PIK3R3: variants seen among roughly 807,000 people sequenced by gnomAD.
PIK3R3 encodes phosphatidylinositol 3-kinase regulatory subunit gamma.
PIK3R3 carries 64 observed loss-of-function variants against 62.9 expected under a neutral mutation model. The ratio of observed to expected loss-of-function variants is 1.02; its 90% CI spans 0.83 to 1.25. The LOEUF (loss-of-function observed/expected upper bound fraction) is 1.25. PIK3R3 is among the 50% of genes most tolerant of loss of function. The pLI is 0.00. For missense variants in PIK3R3, 614 were observed against 561.6 expected (o/e 1.09, Z -0.94); for synonymous variants, 165 against 189.0 (o/e 0.87, Z 1.04).
the PIK3R3 span, among the ~76,000 whole-genome samples, chr1:46,161,922 C>T: frequency 1.3e-5 from 2 of 150,832 alleles, no homozygotes; most frequent in African/African-American, 4.9e-5. Flanking sequence ...GAAACCCTGT[C>T]TCTACTAAAA....
At chr1:46,100,015 T>C (rs1368686630) in intron 1 of PIK3R3, among the ~76,000 whole-genome samples, 1 of 152,220 alleles carries the variant, frequency 6.6e-6, no homozygotes, top group African/African-American at 2.4e-5. Context: ...TTATTATTAT[T>C]ACTGGTTGGT....
At chr1:46,096,957 C>T (rs1371900051) in intron 1 of PIK3R3, among the ~76,000 whole-genome samples, 3 of 149,758 alleles carry the variant, frequency 2.0e-5, no homozygotes, top group South Asian at 2.1e-4. Context: ...CCAGTCTTCC[C>T]GATACCAAAA....
chr1:46,132,414 G>A lies in PIK3R3; in HGVS notation c.-462C>T. 8.7e-7 allele frequency: 1 copy of A among 1,145,714 alleles called. No individual in the cohort carries two copies. Among genetic ancestry groups the A allele is most frequent in the Non-Finnish European group, 1.1e-6 (1 of 920,466 alleles). The allele number at this position is 1,145,714 out of a possible 1,614,324, so 71.0% of individuals were successfully genotyped here. A position where few individuals can be genotyped will look rare whatever the true frequency, so the allele number is the denominator to read the frequency against. ...AAGGAAGGCAAAAAAGGGGGCTGGA[G>A]ATTGCGTTCAAGTTTCGGGGTCCCA... is the stretch of plus-strand genomic sequence containing the variant. On this transcript the variant is annotated 5_prime_UTR_variant, in exon 1 of 10. Transcript: ENST00000262741.
At chr1:46,122,843 T>C (rs1447030845) in intron 1 of PIK3R3, among the ~76,000 whole-genome samples, 1 of 152,158 alleles carries the variant, frequency 6.6e-6, no homozygotes, top group African/African-American at 2.4e-5. Context: ...AATATTAACA[T>C]TTTAAAGCTT....
At chr1:46,106,060 T>G (rs1331314959) in intron 1 of PIK3R3, among the ~76,000 whole-genome samples, 3 of 152,194 alleles carry the variant, frequency 2.0e-5, no homozygotes, top group African/African-American at 7.2e-5. Flanking sequence ...TAAATCCACA[T>G]ACAGCATTCC....
the PIK3R3 span, among the ~76,000 whole-genome samples, chr1:46,138,346 T>A: frequency 6.6e-6 from 1 of 152,162 alleles, no homozygotes; most frequent in South Asian, 2.1e-4. Flanking sequence ...CCAGTTCCCT[T>A]ATTGGATAAT....
chr1:46,086,937 C>T (rs562733608), intron 1 of PIK3R3, among the ~76,000 whole-genome samples: 2 of 152,250 alleles, frequency 1.3e-5, no homozygotes, highest in Admixed American at 6.5e-5. Flanking sequence ...TCCAGAGAAA[C>T]AATCAGAAAG....
At chr1:46,076,490 T>C (rs1650074945) in intron 3 of PIK3R3, among the ~76,000 whole-genome samples, 1 of 151,680 alleles carries the variant, frequency 6.6e-6, no homozygotes, top group South Asian at 2.1e-4. Flanking sequence ...CTGAGTGGAG[T>C]AGAGGAAAAA....
At chr1:46,147,400 C>T in the PIK3R3 span, among the ~76,000 whole-genome samples, 50 of 152,142 alleles carry the variant, frequency 3.3e-4, no homozygotes, top group Middle Eastern at 6.8e-3. Flanking sequence ...CCACCACGCC[C>T]GGCCAGGAAC....
intron 5 of PIK3R3, among the ~76,000 whole-genome samples, chr1:46,062,809 A>G (rs1472671020): frequency 6.6e-6 from 1 of 151,940 alleles, no homozygotes; most frequent in Non-Finnish European, 1.5e-5. Flanking sequence ...TTTCGGTTTC[A>G]GTTTTGGTTG....
At chr1:46,052,825 G>A (rs909281507) in intron 7 of PIK3R3, among the ~76,000 whole-genome samples, 6 of 152,134 alleles carry the variant, frequency 3.9e-5, no homozygotes, top group Non-Finnish European at 7.4e-5. Flanking sequence ...TAGAATCCTT[G>A]TGGGCTATGG....
intron 7 of PIK3R3, among the ~76,000 whole-genome samples, chr1:46,052,746 G>A (rs1647473189): frequency 6.6e-6 from 1 of 152,024 alleles, no homozygotes; most frequent in African/African-American, 2.4e-5. Flanking sequence ...TTTAAGCAAT[G>A]AAATTCTGTA....
chr1:46,174,870 G>T, the PIK3R3 span, among the ~76,000 whole-genome samples: 1 of 152,108 alleles, frequency 6.6e-6, no homozygotes, highest in East Asian at 1.9e-4. Context: ...AAGGTAGTAT[G>T]CCTTTCTCAG....
intron 3 of PIK3R3, among the ~76,000 whole-genome samples, chr1:46,076,217 G>C (rs2149408224): frequency 6.6e-6 from 1 of 152,252 alleles, no homozygotes; most frequent in East Asian, 1.9e-4. Flanking sequence ...TTAAGGCCAT[G>C]GGACAGGACA....
intron 2 of PIK3R3, 76 bp from the exon 3 acceptor site, chr1:46,077,689 A>G (rs1285948466): frequency 1.2e-6 from 1 of 857,252 alleles, no homozygotes; most frequent in Non-Finnish European, 2.0e-6. Context: ...CCTTCTTTAC[A>G]TGTTACTACT....
At chr1:46,053,119 T>G (rs1034995969) in intron 7 of PIK3R3, among the ~76,000 whole-genome samples, 2 of 152,246 alleles carry the variant, frequency 1.3e-5, no homozygotes, top group Admixed American at 6.5e-5. Context: ...CACTGAACTA[T>G]TCTCCTGGAA....
At chr1:46,080,813 G>T in intron 1 of PIK3R3, 63 bp from the exon 2 acceptor site, 2 of 1,094,574 alleles carry the variant, frequency 1.8e-6, no homozygotes, top group South Asian at 1.3e-5. Flanking sequence ...AATTTCCTCA[G>T]GAGCAGCTCA....
chr1:46,141,592 A>G, the PIK3R3 span, among the ~76,000 whole-genome samples: 1 of 152,192 alleles, frequency 6.6e-6, no homozygotes, highest in Non-Finnish European at 1.5e-5. Flanking sequence ...TTTGAAATCA[A>G]TATGTAGAGA....
chr1:46,082,019 TAAAAG>T (rs1207726520), intron 1 of PIK3R3, among the ~76,000 whole-genome samples: 1 of 151,084 alleles, frequency 6.6e-6, no homozygotes, highest in African/African-American at 2.4e-5. Context: ...AATAAATAAA[TAAAAG>T]AAACAAAGAT....
Sources: allele counts gnomAD v4.1 joint callset (sites outside exome capture counted in the v4.1 genomes callset), GRCh38; gene constraint gnomAD v4.1.1; transcripts MANE v1.5; gene names NCBI Gene and HGNC (gene_info 2026-07-23, HGNC 2026-07-21).